Variants in STIM1 observed in about 807,000 individuals in gnomAD.
The protein encoded by STIM1 is stromal interaction molecule 1.
A neutral mutation model predicts 74.7 loss-of-function variants in STIM1; 25 were observed. The ratio of observed to expected loss-of-function variants is 0.33; its 90% CI spans 0.24 to 0.47. The LOEUF (loss-of-function observed/expected upper bound fraction) is 0.47. STIM1 is among the 20% of genes least tolerant of loss of function. STIM1 has a pLI of 1.00. For missense variants in STIM1, 728 were observed against 920.8 expected (o/e 0.79, Z 2.71); for synonymous variants, 328 against 348.8 (o/e 0.94, Z 0.66).
chr11:4,017,287 C>T (rs953924117), intron 2 of STIM1, among the ~76,000 whole-genome samples: 6 of 152,212 alleles, frequency 3.9e-5, no homozygotes, highest in African/African-American at 1.4e-4. Flanking sequence ...AGGTCCCATT[C>T]AGCATAAGTA....
At chr11:4,009,134 T>TA (rs1222996691) in intron 2 of STIM1, among the ~76,000 whole-genome samples, 22 of 139,960 alleles carry the variant, frequency 1.6e-4, no homozygotes, top group South Asian at 4.5e-4. Context: ...TACTAAAAAT[T>TA]AAAAAAAAAA....
intron 2 of STIM1, among the ~76,000 whole-genome samples, chr11:4,017,794 T>A (rs1164544242): frequency 6.6e-6 from 1 of 152,212 alleles, no homozygotes; most frequent in African/African-American, 2.4e-5. Flanking sequence ...TGACAAATTC[T>A]CATCACTTCC....
In STIM1 at chr11:4,074,629, A is replaced by G. The variant is rs773169744; in HGVS notation, c.919A>G (p.Thr307Ala). ...AQRLKELREG[T>A]ENERSRQKYA... is the part of the protein sequence containing the mutation. ...GCGGCTGAAGGAGCTGCGGGAGGGT[A>G]CTGAGAATGAGCGGAGCCGCCAAAA... Residue 307 changes from threonine (T) to alanine (A), a missense_variant, in exon 7 of 13, where the codon ACT becomes GCT. Physicochemically the swap from Thr to Ala is moderately conservative, Grantham distance 58. This residue lies in a region of STIM1 where 131 missense variants were observed against 235.9 expected (regional missense o/e 0.56). Coordinates refer to ENST00000526596, the MANE Select transcript of STIM1 (RefSeq NM_001382567.1). 138 of 1,601,676 alleles carry G rather than the reference A, an allele frequency of 8.6e-5. No individual in the cohort carries two copies. The highest frequency in any genetic ancestry group is 1.2e-4 in the Non-Finnish European group (136 of 1,173,814).
intron 3 of STIM1, among the ~76,000 whole-genome samples, chr11:4,042,442 G>A (rs1300264127): frequency 6.6e-6 from 1 of 151,808 alleles, no homozygotes; most frequent in South Asian, 2.1e-4. Flanking sequence ...GTTTTATTTT[G>A]TCTCCCTCCA....
At chr11:3,864,841 G>C (rs74050924) in intron 1 of STIM1, among the ~76,000 whole-genome samples, 1 of 152,164 alleles carries the variant, frequency 6.6e-6, no homozygotes, top group Non-Finnish European at 1.5e-5. Context: ...CTTTGCTTAT[G>C]ACCTAGAGTC....
At chr11:4,037,931 A>G (rs1237154103) in intron 3 of STIM1, among the ~76,000 whole-genome samples, 1 of 151,238 alleles carries the variant, frequency 6.6e-6, no homozygotes, top group Non-Finnish European at 1.5e-5. Context: ...TTAATTCAGT[A>G]TTTTTTATAA....
chr11:3,872,251 C>T (rs1480676454), intron 1 of STIM1, among the ~76,000 whole-genome samples: 1 of 151,962 alleles, frequency 6.6e-6, no homozygotes, highest in Non-Finnish European at 1.5e-5. Context: ...CAGGGTTTCA[C>T]CATGTTGGCC....
intron 2 of STIM1, among the ~76,000 whole-genome samples, chr11:3,968,769 A>C (rs1176991123): frequency 6.6e-6 from 1 of 152,238 alleles, no homozygotes; most frequent in Non-Finnish European, 1.5e-5. Context: ...TAAATCAATC[A>C]GACTTAAGTA....
intron 3 of STIM1, among the ~76,000 whole-genome samples, chr11:4,037,997 CT>C (rs531381768): frequency 2.4e-4 from 36 of 148,720 alleles, no homozygotes; most frequent in Non-Finnish European, 3.4e-4. Flanking sequence ...TTAGTGGTTG[CT>C]TTAGGAGATA....
At chr11:4,057,819 G>A (rs1199204848) in intron 4 of STIM1, among the ~76,000 whole-genome samples, 3 of 150,640 alleles carry the variant, frequency 2.0e-5, no homozygotes, top group Non-Finnish European at 4.4e-5. Context: ...GCAGTGAGCT[G>A]AGATCGCGCC....
chr11:3,875,984 C>T (rs1478365357), intron 1 of STIM1, among the ~76,000 whole-genome samples: 3 of 152,066 alleles, frequency 2.0e-5, no homozygotes, highest in East Asian at 3.9e-4. Flanking sequence ...ATGAAATGTT[C>T]TTAGGAGAAG....
At chr11:4,083,024 T>A in intron 9 of STIM1, 42 bp downstream of exon 9, 5 of 1,565,854 alleles carry the variant, frequency 3.2e-6, no homozygotes, top group Non-Finnish European at 8.8e-7. Flanking sequence ...GTCCATATCA[T>A]CCTCAGAATT....
At chr11:4,088,094 A>G (rs987163828) in intron 12 of STIM1, among the ~76,000 whole-genome samples, 1 of 152,104 alleles carries the variant, frequency 6.6e-6, no homozygotes, top group African/African-American at 2.4e-5. Flanking sequence ...CAAGGTCTCA[A>G]AAAGTGTACT....
chr11:3,921,417 T>A (rs1224432445), intron 1 of STIM1, among the ~76,000 whole-genome samples: 1 of 152,202 alleles, frequency 6.6e-6, no homozygotes, highest in African/African-American at 2.4e-5. Flanking sequence ...ACTTCTACTC[T>A]TATACTGTTT....
intron 2 of STIM1, among the ~76,000 whole-genome samples, chr11:3,987,558 T>A (rs1205774697): frequency 1.3e-5 from 2 of 152,194 alleles, no homozygotes; most frequent in African/African-American, 4.8e-5. Context: ...GGTTCTTTCC[T>A]TCGAGGACCA....
At chr11:3,898,543 GC>G (rs1468132095) in intron 1 of STIM1, among the ~76,000 whole-genome samples, 1 of 141,494 alleles carries the variant, frequency 7.1e-6, no homozygotes, top group African/African-American at 2.7e-5. Flanking sequence ...GTCAATTTTG[GC>G]TTTTGTTGCC....
intron 1 of STIM1, among the ~76,000 whole-genome samples, chr11:3,898,149 A>G (rs7951898): frequency 0.27 from 41,148 of 150,988 alleles, 7,383 homozygotes; most frequent in African/African-American, 0.51. Flanking sequence ...GAGTGTTCCT[A>G]TTTCTCCACA....
At chr11:3,859,909 G>A (rs1193277462) in intron 1 of STIM1, among the ~76,000 whole-genome samples, 2 of 152,210 alleles carry the variant, frequency 1.3e-5, no homozygotes, top group African/African-American at 4.8e-5. Context: ...CCTTAGCTAG[G>A]TTAATTGATT....
chr11:3,989,443 C>A (rs2093588241), intron 2 of STIM1: 1 of 712,112 alleles, frequency 1.4e-6, no homozygotes, highest in Non-Finnish European at 2.7e-6. Context: ...TTCCGCGGAG[C>A]TGACCTTGCT....
Sources: allele counts gnomAD v4.1 joint callset (sites outside exome capture counted in the v4.1 genomes callset), GRCh38; gene constraint gnomAD v4.1.1; regional missense constraint gnomAD v4.1.1; transcripts MANE v1.5; gene names NCBI Gene and HGNC (gene_info 2026-07-23, HGNC 2026-07-21).